PTPRS: variants seen among roughly 807,000 people sequenced by gnomAD.
PTPRS encodes protein tyrosine phosphatase receptor type S.
A neutral mutation model predicts 215.3 loss-of-function variants in PTPRS; 63 were observed. The observed-to-expected ratio is 0.29, with a 90% CI of 0.24 to 0.36. The LOEUF (loss-of-function observed/expected upper bound fraction) is 0.36, where lower values mean the gene tolerates loss of function less well. Among genes scored for constraint, PTPRS ranks in the 10% least tolerant of loss-of-function variants. The pLI is 1.00. For missense variants in PTPRS, 2,258 were observed against 2,825.8 expected, an observed-to-expected ratio of 0.80 and a Z score of 4.56; for synonymous variants, 1,404 against 1,191.4, an observed-to-expected ratio of 1.18 and a Z score of -3.68.
At chr19:5,327,747 C>T (rs1001417386) in intron 1 of PTPRS, among the ~76,000 whole-genome samples, 1 of 152,034 alleles carries the variant, frequency 6.6e-6, no homozygotes, top group Non-Finnish European at 1.5e-5. Flanking sequence ...ATTACAGGTG[C>T]ACACCACCAC....
At chr19:5,248,216 G>T (rs972902544) in intron 9 of PTPRS, among the ~76,000 whole-genome samples, 1 of 152,052 alleles carries the variant, frequency 6.6e-6, no homozygotes, top group African/African-American at 2.4e-5. Context: ...ATGAGCGTGG[G>T]GGGAGCTAAT....
At chr19:5,256,237 G>GT (rs2045545584) in intron 8 of PTPRS, 118 bp from the exon 9 acceptor site, 53 of 636,434 alleles carry the variant, frequency 8.3e-5, no homozygotes, top group South Asian at 1.9e-4. Context: ...GCAATAGTTT[G>GT]TTGTTTTTTT....
Position 5,338,738 on chromosome 19 carries a change from C to T in PTPRS, c.-95+1926G>A, listed in dbSNP as rs1057101474. ...CCCTGGGAGGGGGAGGGGACTTATG[C>T]AAATGGCAGATTCGACCAAGTCCCT... On this transcript the variant is annotated intron_variant, in intron 1 of 37. Coordinates refer to ENST00000262963, the MANE Select transcript of PTPRS (RefSeq NM_002850.4). This position sits in a 1 kb window ranked among gnomAD's most constrained non-coding sequence, Gnocchi z 4.2. 6.6e-6 allele frequency among the ~76,000 whole-genome samples: 1 copy of T among 152,180 alleles called. No individual in the cohort carries two copies. The highest frequency in any genetic ancestry group is 6.5e-5 in the Admixed American group (1 of 15,286).
Position 5,287,978 on chromosome 19 carries a change from A to G in PTPRS, c.-94-1744T>C, listed in dbSNP as rs909862088. Among the ~76,000 whole-genome samples, 1 of 149,122 alleles carries G rather than the reference A, an allele frequency of 6.7e-6. No homozygotes were observed. The highest frequency in any genetic ancestry group is 1.5e-5 in the Non-Finnish European group (1 of 67,524). ...AGCAGAGACGGGCACACACACACACACACACACACACACACACACACACAC... is the reference window on the plus strand; with the variant it reads ...AGCAGAGACGGGCACACACACACACGCACACACACACACACACACACACAC... On this transcript the variant is annotated intron_variant, in intron 1 of 37. Coordinates refer to ENST00000262963, the MANE Select transcript of PTPRS (RefSeq NM_002850.4). This position sits in a 1 kb window ranked among gnomAD's most constrained non-coding sequence, Gnocchi z 4.8.
At chr19:5,297,855 C>T (rs551664904) in intron 1 of PTPRS, among the ~76,000 whole-genome samples, 88 of 149,390 alleles carry the variant, frequency 5.9e-4, no homozygotes, top group Middle Eastern at 6.9e-3. Flanking sequence ...TGCAGTGGCA[C>T]GATCTCGGCT....
At chr19:5,298,771 C>A (rs993947446) in intron 1 of PTPRS, among the ~76,000 whole-genome samples, 2 of 152,224 alleles carry the variant, frequency 1.3e-5, no homozygotes, top group Non-Finnish European at 2.9e-5. Flanking sequence ...GGCTACCTTC[C>A]CCTTCCTGGA....
intron 25 of PTPRS, among the ~76,000 whole-genome samples, chr19:5,217,427 T>C (rs2041580066): frequency 6.6e-6 from 1 of 151,768 alleles, no homozygotes; most frequent in Non-Finnish European, 1.5e-5. Context: ...ACACGAGGGG[T>C]GATACATGAG....
chr19:5,301,969 C>T (rs946150365), intron 1 of PTPRS, among the ~76,000 whole-genome samples: 3 of 152,060 alleles, frequency 2.0e-5, no homozygotes, highest in East Asian at 1.9e-4. Context: ...TTAGTAGAGA[C>T]GGGGTTTCAC....
chr19:5,238,068 G>A (rs185085320), intron 13 of PTPRS, among the ~76,000 whole-genome samples: 1 of 152,234 alleles, frequency 6.6e-6, no homozygotes, highest in African/African-American at 2.4e-5. Flanking sequence ...GAGGGAAGAG[G>A]GGGAAGCAGG....
Position 5,287,086 on chromosome 19 carries a change from C to T in PTPRS, c.-94-852G>A, listed in dbSNP as rs2048410493. ...TGGCTCCCAGAGCCCCCAGGGGAAG[C>T]CACTCTTGCTGACTTCACTGTTTCC... is the stretch of plus-strand genomic sequence containing the variant. On this transcript the variant is annotated intron_variant, in intron 1 of 37. Transcript: ENST00000262963. The surrounding 1 kb of genome is among the most constrained non-coding windows in gnomAD (Gnocchi z 4.8). 6.6e-6 allele frequency among the ~76,000 whole-genome samples: 1 copy of T among 152,150 alleles called. No homozygotes were observed. Among genetic ancestry groups the T allele is most frequent in the Admixed American group, 6.5e-5 (1 of 15,278 alleles).
chr19:5,295,981 C>T lies in PTPRS; in HGVS notation c.-94-9747G>A, dbSNP rs534908261. The stretch of plus-strand genomic sequence containing the variant: ...ATGTTGCCCCGACTGGTCTCGAACT[C>T]CTAGACTCAAGTGAACCTCCTGCCT... On this transcript the variant is annotated intron_variant, in intron 1 of 37. Coordinates refer to ENST00000262963, the MANE Select transcript of PTPRS (RefSeq NM_002850.4). The surrounding 1 kb of genome is among the most constrained non-coding windows in gnomAD (Gnocchi z 4.6). 6.6e-6 allele frequency among the ~76,000 whole-genome samples: 1 copy of T among 152,256 alleles called. No homozygotes were observed. The highest frequency in any genetic ancestry group is 2.4e-5 in the African/African-American group (1 of 41,554).
Position 5,214,363 on chromosome 19 carries a change from T to C in PTPRS, c.4612A>G (p.Lys1538Glu), listed in dbSNP as rs750640223. ...CCCAGCCCCAGCCTGGGCCCCACCT[T>C]GTGCAGAGAGAATGTCCTGACGCAG... ...TFCVRTFSLH[K>E]NGSSEKREVR... The change falls in exon 30 of 38, where the codon AAG becomes GAG. Residue 1538 changes from lysine (K) to glutamate (E), a missense_variant and splice_region_variant. Lys to Glu is a moderately conservative substitution (Grantham distance 56). Coordinates refer to ENST00000262963, the MANE Select transcript of PTPRS (RefSeq NM_002850.4). 6.2e-7 allele frequency: 1 copy of C among 1,614,088 alleles called. No individual in the cohort carries two copies. The highest frequency in any genetic ancestry group is 2.2e-5 in the East Asian group (1 of 44,882).
At chr19:5,340,098 G>T (rs192912003) in intron 1 of PTPRS, among the ~76,000 whole-genome samples, 2 of 151,910 alleles carry the variant, frequency 1.3e-5, no homozygotes, top group East Asian at 3.9e-4. Flanking sequence ...ACCCGGAGAG[G>T]GAAGGCGGCG....
intron 20 of PTPRS, 73 bp downstream of exon 20, chr19:5,220,927 C>T (rs2041924687): frequency 1.3e-6 from 2 of 1,507,030 alleles, no homozygotes; most frequent in Non-Finnish European, 1.8e-6. Flanking sequence ...ACAGAGAGGG[C>T]ACGTGGCTTG....
intron 1 of PTPRS, among the ~76,000 whole-genome samples, chr19:5,314,742 T>C (rs186101444): frequency 6.6e-6 from 1 of 151,972 alleles, no homozygotes; most frequent in East Asian, 1.9e-4. Flanking sequence ...ACTTTGTGCC[T>C]GAGGACAGAG....
In PTPRS at chr19:5,205,590, A is replaced by G. The variant is rs1488318313; in HGVS notation, c.*1184T>C. The stretch of plus-strand genomic sequence containing the variant: ...ACCACCCGGCTGCTTCCGCTGGAAT[A>G]AACAGTGTTGAAAGTAACCGCAGAC... On this transcript the variant is annotated 3_prime_UTR_variant, in exon 38 of 38. Transcript: ENST00000262963. 1.3e-5 allele frequency among the ~76,000 whole-genome samples: 2 copies of G among 152,260 alleles called. No individual in the cohort carries two copies. Among genetic ancestry groups the G allele is most frequent in the African/African-American group, 4.8e-5 (2 of 41,466 alleles).
intron 2 of PTPRS, among the ~76,000 whole-genome samples, 162 bp from the exon 3 acceptor site, chr19:5,274,506 C>T (rs112243134): frequency 1.7e-3 from 263 of 152,316 alleles, no homozygotes; most frequent in African/African-American, 6.3e-3. Flanking sequence ...AAACACCCTC[C>T]CACCTCGCCC....
rs575887303 is a variant in PTPRS, at chr19:5,327,258, G to A, written c.-95+13406C>T. 7.4e-4 allele frequency among the ~76,000 whole-genome samples: 112 copies of A among 152,320 alleles called. 1 individual carries two copies. Among genetic ancestry groups the A allele is most frequent in the African/African-American group, 2.6e-3 (107 of 41,572 alleles). On this transcript the variant is annotated intron_variant, in intron 1 of 37. Coordinates refer to ENST00000262963, the MANE Select transcript of PTPRS (RefSeq NM_002850.4). Reference sequence around the variant, plus strand: ...CCCCATATGCAGGTCCTGCGACCTTGCTTCCAGAGGGCACTGATCATCAAG... The same window carrying A: ...CCCCATATGCAGGTCCTGCGACCTTACTTCCAGAGGGCACTGATCATCAAG...
Position 5,212,410 on chromosome 19 carries a change from G to C in PTPRS, c.4696C>G (p.Pro1566Ala). The change falls in exon 31 of 38, where the codon CCC (proline) becomes GCC (alanine). Residue 1566 changes from proline (P) to alanine (A), a missense_variant. By Grantham distance (27) the Pro-to-Ala change is conservative (BLOSUM62 -1). Transcript: ENST00000262963. Reference sequence around the variant, plus strand: ...ACTCTCCGCAGGAAAGCCAGGAAGGGCGTTGGGTATTCGGGCACGCCATGG... The same window carrying C: ...ACTCTCCGCAGGAAAGCCAGGAAGGCCGTTGGGTATTCGGGCACGCCATGG... ...PDHGVPEYPT[P>A]FLAFLRRVKT... 1.2e-6 allele frequency: 2 copies of C among 1,605,820 alleles called. No individual in the cohort carries two copies. The highest frequency in any genetic ancestry group is 1.7e-6 in the Non-Finnish European group (2 of 1,176,146).
Sources: gnomAD v4.1 joint callset for allele counts (sites outside exome capture counted in the v4.1 genomes callset) on GRCh38, gnomAD v4.1.1 for gene constraint, Gnocchi (gnomAD v3.1) non-coding constraint, MANE v1.5 for transcripts, NCBI Gene and HGNC (gene_info 2026-07-23, HGNC 2026-07-21) for gene names.